The following CAMKMT variants were observed in gnomAD, a reference collection of about 807,000 sequenced individuals.
The protein encoded by CAMKMT is calmodulin-lysine N-methyltransferase.
CAMKMT carries 53 observed loss-of-function variants against 48.0 expected under a neutral mutation model. The observed-to-expected ratio is 1.10, with a 90% CI of 0.89 to 1.39. The LOEUF (loss-of-function observed/expected upper bound fraction) is 1.39. Ranked by LOEUF, CAMKMT falls within the 40% of genes most tolerant of loss-of-function variation. CAMKMT has a pLI of 0.00. For synonymous variants in CAMKMT, 165 were observed against 152.3 expected (o/e 1.08, Z -0.61); for missense variants, 428 against 402.7 (o/e 1.06, Z -0.54).
At chr2:44,754,814 A>G (rs1573235400) in intron 9 of CAMKMT, among the ~76,000 whole-genome samples, 1 of 152,136 alleles carries the variant, frequency 6.6e-6, no homozygotes, top group Admixed American at 6.5e-5. Flanking sequence ...ATATACATCT[A>G]TTTAAAGTAA....
At chr2:44,575,208 A>T (rs1669149767) in intron 3 of CAMKMT, among the ~76,000 whole-genome samples, 1 of 151,958 alleles carries the variant, frequency 6.6e-6, no homozygotes, top group Non-Finnish European at 1.5e-5. Context: ...TCTCCTGAGT[A>T]GCTGGAATTA....
intron 3 of CAMKMT, among the ~76,000 whole-genome samples, chr2:44,540,192 A>C (rs1004771525): frequency 2.0e-5 from 3 of 150,836 alleles, no homozygotes; most frequent in Non-Finnish European, 4.4e-5. Flanking sequence ...TTTAGTATGG[A>C]TTAATTGATT....
At chr2:44,520,097 T>TTCG (rs1330215779) in intron 3 of CAMKMT, among the ~76,000 whole-genome samples, 1 of 150,252 alleles carries the variant, frequency 6.7e-6, no homozygotes, top group Non-Finnish European at 1.5e-5. Context: ...TGGGCACCTG[T>TTCG]GGTCCCAGCT....
chr2:44,469,826 G>A (rs150159447), intron 3 of CAMKMT, among the ~76,000 whole-genome samples: 15 of 150,960 alleles, frequency 9.9e-5, no homozygotes, highest in Admixed American at 7.2e-4. Context: ...TATCAGTTAC[G>A]TTTGTTTGCT....
In CAMKMT at chr2:44,621,152, C is replaced by T. The variant is rs1006395457; in HGVS notation, c.377-83131C>T. The stretch of plus-strand genomic sequence containing the variant: ...GCGTGGTGATGGGCGCTTGTAGTCC[C>T]AGCTATTTGGGAGGCTGAGGCAGGA... On this transcript the variant is annotated intron_variant, in intron 3 of 10. Coordinates refer to ENST00000378494, the MANE Select transcript of CAMKMT (RefSeq NM_024766.5). Among the ~76,000 whole-genome samples the T allele has an allele frequency of 6.6e-5, 10 of 150,944 alleles. No homozygotes were observed. The East Asian group carries it at 2.0e-3, about 29-fold the overall frequency.
intron 3 of CAMKMT, among the ~76,000 whole-genome samples, chr2:44,511,291 A>G (rs1014312003): frequency 1.3e-5 from 2 of 152,158 alleles, no homozygotes; most frequent in African/African-American, 4.8e-5. Context: ...ACATTATTTC[A>G]TTCCTTTTAT....
At chr2:44,754,025 A>G in intron 8 of CAMKMT, 30 bp from the exon 9 acceptor site, 1 of 1,589,264 alleles carries the variant, frequency 6.3e-7, no homozygotes, top group Non-Finnish European at 8.6e-7. Flanking sequence ...ACCCAGTTTA[A>G]TCTGGATTCT....
At chr2:44,434,644 A>T (rs1158692742) in intron 3 of CAMKMT, among the ~76,000 whole-genome samples, 2 of 152,178 alleles carry the variant, frequency 1.3e-5, no homozygotes, top group African/African-American at 4.8e-5. Context: ...TAACACAAGT[A>T]TGTTGAATGA....
At chr2:44,692,346 G>A (rs1402051012) in intron 3 of CAMKMT, among the ~76,000 whole-genome samples, 2 of 152,036 alleles carry the variant, frequency 1.3e-5, no homozygotes, top group Admixed American at 6.6e-5. Flanking sequence ...CCCATGAGAA[G>A]GTACTTTTAT....
intron 9 of CAMKMT, among the ~76,000 whole-genome samples, chr2:44,762,821 A>G (rs879894405): frequency 3.3e-5 from 5 of 152,236 alleles, no homozygotes; most frequent in Non-Finnish European, 5.9e-5. Context: ...CTCTCCAGGA[A>G]TAAATGAATT....
intron 3 of CAMKMT, among the ~76,000 whole-genome samples, chr2:44,463,023 A>G (rs905940874): frequency 6.6e-6 from 1 of 152,216 alleles, no homozygotes; most frequent in African/African-American, 2.4e-5. Flanking sequence ...ATTTATTCAA[A>G]GCTACTTCAT....
chr2:44,574,706 G>C (rs1382479887), intron 3 of CAMKMT, among the ~76,000 whole-genome samples: 1 of 151,718 alleles, frequency 6.6e-6, no homozygotes, highest in Admixed American at 6.6e-5. Flanking sequence ...TTACTACAGA[G>C]TGCTCCCATC....
intron 3 of CAMKMT, among the ~76,000 whole-genome samples, chr2:44,503,625 AC>A (rs149864132): frequency 0.038 from 5,758 of 152,228 alleles, 158 homozygotes; most frequent in Middle Eastern, 0.058. Context: ...CATGCAGCAA[AC>A]TGAGAAAAAG....
chr2:44,720,732 A>T (rs959025750), intron 7 of CAMKMT, among the ~76,000 whole-genome samples: 2 of 152,188 alleles, frequency 1.3e-5, no homozygotes, highest in African/African-American at 4.8e-5. Flanking sequence ...GTCTATTTGT[A>T]CAACCCTACC....
chr2:44,714,361 T>C (rs2104299680), intron 6 of CAMKMT, among the ~76,000 whole-genome samples: 1 of 152,124 alleles, frequency 6.6e-6, no homozygotes, highest in East Asian at 1.9e-4. Flanking sequence ...TGGCGCTGGG[T>C]GATGTAATGA....
At chr2:44,380,418 T>C (rs1680123083) in intron 2 of CAMKMT, among the ~76,000 whole-genome samples, 1 of 152,122 alleles carries the variant, frequency 6.6e-6, no homozygotes, top group Non-Finnish European at 1.5e-5. Context: ...TTTTTAAGAA[T>C]TTAAGTTTGA....
intron 3 of CAMKMT, among the ~76,000 whole-genome samples, chr2:44,472,927 T>C (rs893297525): frequency 6.6e-6 from 1 of 152,192 alleles, no homozygotes; most frequent in Non-Finnish European, 1.5e-5. Context: ...CCTTCCTACT[T>C]CTCCTGAGAT....
At chr2:44,378,149 G>T (rs992324735) in intron 2 of CAMKMT, among the ~76,000 whole-genome samples, 1 of 152,144 alleles carries the variant, frequency 6.6e-6, no homozygotes. Flanking sequence ...AATATGATCC[G>T]TAGTTTCCAG....
rs1195226641 is a variant in CAMKMT, at chr2:44,667,491, T to G, written c.377-36792T>G. On this transcript the variant is annotated intron_variant, in intron 3 of 10. Transcript: ENST00000378494. ...CAAGTTGCTATTATCCGCTAATGTTTAAGACACTCCCTCTTATTTGCTGAA... is the reference window on the plus strand; with the variant it reads ...CAAGTTGCTATTATCCGCTAATGTTGAAGACACTCCCTCTTATTTGCTGAA... Among the ~76,000 whole-genome samples, 8 of 152,202 alleles carry G rather than the reference T, an allele frequency of 5.3e-5. 1 individual carries two copies. Among genetic ancestry groups the G allele is most frequent in the Non-Finnish European group, 1.0e-4 (7 of 68,040 alleles).
Sources: gnomAD v4.1 joint callset for allele counts (sites outside exome capture counted in the v4.1 genomes callset) on GRCh38, gnomAD v4.1.1 for gene constraint, MANE v1.5 for transcripts, NCBI Gene and HGNC (gene_info 2026-07-23, HGNC 2026-07-21) for gene names.